NLGN1: variants seen among roughly 807,000 people sequenced by gnomAD.
NLGN1 encodes neuroligin 1, also known as neuroligin-1.
Under a neutral mutation model 65.5 loss-of-function variants are expected in NLGN1, and 12 were observed. That is an observed-to-expected ratio of 0.18 (90% CI 0.12 to 0.30). NLGN1 has a LOEUF of 0.30. Among genes scored for constraint, NLGN1 ranks in the 10% least tolerant of loss-of-function variants. NLGN1 has a pLI of 1.00. For missense variants in NLGN1, 750 were observed against 1,007.1 expected (o/e 0.74, Z 3.46); for synonymous variants, 350 against 359.5 (o/e 0.97, Z 0.30).
At chr3:173,863,147 AC>A (rs1215460772) in intron 4 of NLGN1, among the ~76,000 whole-genome samples, 2 of 151,894 alleles carry the variant, frequency 1.3e-5, no homozygotes, top group African/African-American at 2.4e-5. Flanking sequence ...AAAAAAAAAA[AC>A]TTTCTTCTAT....
intron 2 of NLGN1, among the ~76,000 whole-genome samples, chr3:173,489,249 A>C (rs1005187254): frequency 6.7e-6 from 1 of 149,848 alleles, no homozygotes; most frequent in Non-Finnish European, 1.5e-5. Context: ...CCCACCCCAC[A>C]ACAGGCCCCA....
At chr3:173,447,829 A>C (rs1190219135) in intron 2 of NLGN1, among the ~76,000 whole-genome samples, 1 of 152,090 alleles carries the variant, frequency 6.6e-6, no homozygotes, top group African/African-American at 2.4e-5. Flanking sequence ...GCAGTTGTGA[A>C]TGGGAGTTCA....
intron 4 of NLGN1, among the ~76,000 whole-genome samples, chr3:174,151,154 TAGAA>T (rs1371521630): frequency 7.8e-6 from 1 of 128,978 alleles, no homozygotes; most frequent in Non-Finnish European, 1.6e-5. Flanking sequence ...CTTTTACACA[TAGAA>T]AGCCAAAAAA....
chr3:173,498,686 C>A (rs1232671243), intron 2 of NLGN1, among the ~76,000 whole-genome samples: 1 of 151,820 alleles, frequency 6.6e-6, no homozygotes, highest in Non-Finnish European at 1.5e-5. Flanking sequence ...TAAAAGTGTT[C>A]CTATTTCTTC....
intron 3 of NLGN1, among the ~76,000 whole-genome samples, chr3:173,662,328 A>C (rs534924797): frequency 4.5e-4 from 68 of 152,144 alleles, no homozygotes; most frequent in African/African-American, 1.6e-3. Flanking sequence ...GTTCTGCTAC[A>C]TTTAAAAAGT....
chr3:173,445,762 A>G (rs1720152709), intron 2 of NLGN1, among the ~76,000 whole-genome samples: 1 of 152,240 alleles, frequency 6.6e-6, no homozygotes, highest in South Asian at 2.1e-4. Flanking sequence ...TGCTTGCACC[A>G]GGGAAGCCAA....
At chr3:173,419,240 A>G (rs1380336503) in intron 1 of NLGN1, among the ~76,000 whole-genome samples, 1 of 150,804 alleles carries the variant, frequency 6.6e-6, no homozygotes, top group African/African-American at 2.4e-5. Flanking sequence ...CATTGGTTTT[A>G]GGGTGAGGGG....
At chr3:174,196,712 C>G (rs934656966) in intron 4 of NLGN1, among the ~76,000 whole-genome samples, 9 of 152,160 alleles carry the variant, frequency 5.9e-5, no homozygotes, top group Non-Finnish European at 1.3e-4. Flanking sequence ...TGGCACTTAA[C>G]TATTTGAAAA....
rs10547987 is a variant in NLGN1, at chr3:174,270,184, ATTTTTT to A, written c.647-5123_647-5118del. Among the ~76,000 whole-genome samples the A allele has an allele frequency of 4.7e-5, 6 of 127,882 alleles. No homozygotes were observed. In the South Asian group the frequency reaches 7.2e-4, roughly 15 times the overall value. 83.9% of individuals were successfully genotyped at this position (127,882 alleles called of 152,430 possible). On this transcript the variant is annotated intron_variant, in intron 4 of 6. Coordinates refer to ENST00000457714, the Ensembl canonical transcript of NLGN1. ...AAGTTTGATGTAGTCTTATTTGTTT[ATTTTTT>A]TTTTTTTCCTGTGCTTTTGGTTTAA... is the stretch of plus-strand genomic sequence containing the variant.
At chr3:174,022,524 T>A (rs1338000173) in intron 4 of NLGN1, among the ~76,000 whole-genome samples, 1 of 151,954 alleles carries the variant, frequency 6.6e-6, no homozygotes. Flanking sequence ...TGTCCTGGAG[T>A]CAGTTGTTGA....
chr3:173,665,670 A>G (rs923314759), intron 3 of NLGN1, among the ~76,000 whole-genome samples: 1 of 152,210 alleles, frequency 6.6e-6, no homozygotes, highest in Non-Finnish European at 1.5e-5. Flanking sequence ...GTATTCAGAA[A>G]TAGTTGCTAG....
chr3:173,584,399 ATTTTTTTTTTTTTTTTT>A (rs66827074), intron 2 of NLGN1, among the ~76,000 whole-genome samples: 20 of 30,804 alleles, frequency 6.5e-4, no homozygotes, highest in East Asian at 2.7e-3. Flanking sequence ...GGTCCTCGGC[ATTTTTTTTTTTTTTTTT>A]TTTTTTTTTT....
chr3:173,871,156 G>A (rs1336317357), intron 4 of NLGN1, among the ~76,000 whole-genome samples: 2 of 152,130 alleles, frequency 1.3e-5, no homozygotes, highest in African/African-American at 2.4e-5. Flanking sequence ...AACATGTGGT[G>A]ATGCAGGGAA....
chr3:173,528,577 A>G (rs1736034412), intron 2 of NLGN1, among the ~76,000 whole-genome samples: 1 of 152,098 alleles, frequency 6.6e-6, no homozygotes, highest in African/African-American at 2.4e-5. Context: ...GAGTAACTAT[A>G]ATTCATAGGT....
In NLGN1 at chr3:174,138,845, C is replaced by T. The variant is rs142386406; in HGVS notation, c.647-136470C>T. On this transcript the variant is annotated intron_variant, in intron 4 of 6. Coordinates refer to ENST00000457714, the Ensembl canonical transcript of NLGN1. ...TCAATCTTTATTTCCTCATTTTTGG[C>T]TCTTTGCAAAATGGGAAAAAAAAGG... 8.9e-3 allele frequency among the ~76,000 whole-genome samples: 1,346 copies of T among 151,780 alleles called. 14 individuals carry two copies. The highest frequency in any genetic ancestry group is 0.015 in the Non-Finnish European group (1,007 of 67,920).
intron 4 of NLGN1, among the ~76,000 whole-genome samples, chr3:173,923,560 T>A (rs1329900169): frequency 6.6e-6 from 1 of 152,150 alleles, no homozygotes; most frequent in Admixed American, 6.6e-5. Context: ...GGGTTAAACA[T>A]CTTCCAAGAC....
chr3:174,234,985 C>CTTTTTTTTTTTTTTTTTTTTTTTTTTTT lies in NLGN1; in HGVS notation c.647-40327_647-40300dup, dbSNP rs748911027. ...GAGCTTTGTAAAATAAAGGAATCAC[C>CTTTTTTTTTTTTTTTTTTTTTTTTTTTT]TTTTTTTTTTTTTTTTTTTTTTTTT... On this transcript the variant is annotated intron_variant, in intron 4 of 6. Transcript: ENST00000457714. 3.0e-5 allele frequency among the ~76,000 whole-genome samples: 2 copies of CTTTTTTTTTTTTTTTTTTTTTTTTTTTT among 65,744 alleles called. 1 individual carries two copies. Among genetic ancestry groups the CTTTTTTTTTTTTTTTTTTTTTTTTTTTT allele is most frequent in the African/African-American group, 1.6e-4 (2 of 12,490 alleles). 43.1% of individuals were successfully genotyped at this position (65,744 alleles called of 152,430 possible).
chr3:173,641,575 G>A (rs1280486907), intron 3 of NLGN1, among the ~76,000 whole-genome samples: 5 of 152,194 alleles, frequency 3.3e-5, no homozygotes, highest in Non-Finnish European at 7.3e-5. Context: ...ATAGGCATGA[G>A]CCACTGTGCC....
At chr3:173,868,601 A>G (rs1022024306) in intron 4 of NLGN1, among the ~76,000 whole-genome samples, 1 of 152,134 alleles carries the variant, frequency 6.6e-6, no homozygotes, top group Non-Finnish European at 1.5e-5. Flanking sequence ...CTTATAGTGA[A>G]AGGAGGGATT....
Sources: gnomAD v4.1 joint callset for allele counts (sites outside exome capture counted in the v4.1 genomes callset) on GRCh38, gnomAD v4.1.1 for gene constraint, MANE v1.5 for transcripts, NCBI Gene and HGNC (gene_info 2026-07-23, HGNC 2026-07-21) for gene names.